FMN1: variants seen among roughly 807,000 people sequenced by gnomAD.
The protein encoded by FMN1 is formin-1.
A neutral mutation model predicts 132.4 loss-of-function variants in FMN1; 110 were observed. The ratio of observed to expected loss-of-function variants is 0.83; its 90% confidence interval spans 0.71 to 0.97. FMN1 has a LOEUF of 0.97. Ranked by LOEUF, FMN1 falls within the 50% of genes least tolerant of loss-of-function variation. The probability of loss-of-function intolerance (pLI) is 0.00; values close to 1 mark genes in which losing one functional copy is unlikely to be tolerated. For missense variants in FMN1, 1,792 were observed against 1,705.3 expected (o/e 1.05, Z -0.90); for synonymous variants, 722 against 651.7 (o/e 1.11, Z -1.64).
Position 33,185,325 on chromosome 15 carries a change from G to A in FMN1, c.-196-5063C>T, listed in dbSNP as rs1481212065. The stretch of plus-strand genomic sequence containing the variant: ...GGGAGAAAAGTTGGTAGTCCTATTG[G>A]TTCCTTAAAATAATTCAAGGAATCT... On this transcript the variant is annotated intron_variant, in intron 2 of 20. Transcript: ENST00000616417. Among the ~76,000 whole-genome samples, 3 of 152,006 alleles carry A rather than the reference G, an allele frequency of 2.0e-5. No individual in the cohort carries two copies. In the East Asian group the frequency reaches 5.8e-4, roughly 29 times the overall value.
In FMN1 at chr15:33,154,545, CG is replaced by C; in HGVS notation, c.369del (p.Val124Ter). The C allele has an allele frequency of 6.5e-7, 1 of 1,536,106 alleles. No homozygotes were observed. The highest frequency in any genetic ancestry group is 8.7e-7 in the Non-Finnish European group (1 of 1,146,908). On this transcript the variant is annotated frameshift_variant, in exon 4 of 21. Transcript: ENST00000616417. LOFTEE classifies it high-confidence loss of function. ...GNQEGKLQEL[S>X]VSLAPEDDCF... ...CAGTCATCCTCGGGGGCCAGGCTCA[CG>C]GACAGCTCTTGCAGCTTCCCCTCCT...
intron 9 of FMN1, among the ~76,000 whole-genome samples, chr15:32,938,597 A>T (rs2061332643): frequency 6.6e-6 from 1 of 152,228 alleles, no homozygotes; most frequent in South Asian, 2.1e-4. Flanking sequence ...AGAGATCCTT[A>T]GTCATGCAAG....
intron 19 of FMN1, among the ~76,000 whole-genome samples, chr15:32,787,321 G>A (rs1239108622): frequency 6.6e-6 from 1 of 152,218 alleles, no homozygotes; most frequent in Non-Finnish European, 1.5e-5. Flanking sequence ...GTAACCCCAA[G>A]TTCATTTATC....
At chr15:33,027,482 A>C (rs1410110760) in intron 6 of FMN1, among the ~76,000 whole-genome samples, 1 of 152,226 alleles carries the variant, frequency 6.6e-6, no homozygotes, top group Non-Finnish European at 1.5e-5. Context: ...GAATTTAAAG[A>C]AATTGGGGAC....
At chr15:32,897,818 G>T (rs1186233305) in intron 15 of FMN1, among the ~76,000 whole-genome samples, 1 of 152,070 alleles carries the variant, frequency 6.6e-6, no homozygotes, top group Non-Finnish European at 1.5e-5. Flanking sequence ...GGGTAAGCTG[G>T]GGTCGGCAGG....
chr15:33,042,490 C>T (rs924558378), intron 6 of FMN1, among the ~76,000 whole-genome samples: 5 of 152,088 alleles, frequency 3.3e-5, no homozygotes, highest in African/African-American at 1.2e-4. Context: ...ATTTAAATAA[C>T]TTTAAAACTA....
chr15:32,968,987 G>C lies in FMN1; in HGVS notation c.2714C>G (p.Pro905Arg). 9.5e-7 allele frequency: 1 copy of C among 1,048,094 alleles called. No homozygotes were observed. Among genetic ancestry groups the C allele is most frequent in the Middle Eastern group, 2.4e-4 (1 of 4,196 alleles). 64.9% of individuals were successfully genotyped at this position (1,048,094 alleles called of 1,614,324 possible). ...PPVSAGPPLP[P>R]PPPPPPPLPP... ...TAGAGGTGGCGGTGGAGGAGGCGGA[G>C]GTGGTAGCGGTGGCCCAGCACTCAC... The change falls in exon 8 of 21, where the codon CCT (proline) becomes CGT (arginine). Residue 905 changes from proline (P) to arginine (R), a missense_variant. Transcript: ENST00000616417.
At chr15:33,172,647 GT>G (rs779958449) in intron 3 of FMN1, among the ~76,000 whole-genome samples, 7 of 152,140 alleles carry the variant, frequency 4.6e-5, no homozygotes, top group Non-Finnish European at 8.8e-5. Context: ...GCCTCATAAG[GT>G]TGTTACCTTC....
intron 7 of FMN1, among the ~76,000 whole-genome samples, chr15:32,991,698 T>G (rs557812039): frequency 4.6e-5 from 7 of 152,252 alleles, no homozygotes; most frequent in African/African-American, 1.7e-4. Context: ...TGTGAAAATT[T>G]TATGGTCCTT....
intron 6 of FMN1, among the ~76,000 whole-genome samples, chr15:33,027,016 T>C (rs944149205): frequency 1.3e-5 from 2 of 152,140 alleles, no homozygotes; most frequent in Non-Finnish European, 2.9e-5. Flanking sequence ...GGGGGTGCTG[T>C]TTTTAAATCT....
chr15:33,018,384 G>A (rs1415566585), intron 6 of FMN1, among the ~76,000 whole-genome samples: 2 of 152,108 alleles, frequency 1.3e-5, no homozygotes, highest in East Asian at 3.9e-4. Flanking sequence ...GGGACTTTCA[G>A]TTCCACCTCC....
At chr15:33,017,571 AAAAT>A (rs567099727) in intron 6 of FMN1, among the ~76,000 whole-genome samples, 14 of 152,246 alleles carry the variant, frequency 9.2e-5, no homozygotes, top group Non-Finnish European at 1.8e-4. Context: ...CTATATCAGA[AAAAT>A]AAAATATTGG....
intron 6 of FMN1, among the ~76,000 whole-genome samples, chr15:33,013,759 T>C (rs929070139): frequency 6.6e-6 from 1 of 152,196 alleles, no homozygotes; most frequent in Non-Finnish European, 1.5e-5. Flanking sequence ...TCATGATAAA[T>C]ATCCAAACCC....
intron 5 of FMN1, among the ~76,000 whole-genome samples, chr15:33,071,248 G>GA (rs1184863388): frequency 6.6e-6 from 1 of 152,050 alleles, no homozygotes; most frequent in Non-Finnish European, 1.5e-5. Context: ...GTTTTCTTAG[G>GA]AAAAAATGGA....
chr15:33,148,263 T>A (rs1251903431), intron 4 of FMN1, among the ~76,000 whole-genome samples: 2 of 152,188 alleles, frequency 1.3e-5, no homozygotes, highest in Admixed American at 1.3e-4. Flanking sequence ...CTACTTCCAC[T>A]TCCTTATCAC....
intron 17 of FMN1, among the ~76,000 whole-genome samples, chr15:32,817,321 T>G (rs544899734): frequency 2.6e-4 from 40 of 152,354 alleles, no homozygotes; most frequent in Non-Finnish European, 4.4e-4. Context: ...AAACTGAATT[T>G]ACATGGCCAC....
intron 6 of FMN1, among the ~76,000 whole-genome samples, chr15:33,059,050 T>G (rs1034366322): frequency 1.1e-4 from 16 of 152,318 alleles, no homozygotes; most frequent in African/African-American, 3.8e-4. Context: ...TCCCTCCGTC[T>G]CACATCCCCA....
chr15:33,138,009 T>C (rs1963846568), intron 4 of FMN1, among the ~76,000 whole-genome samples: 1 of 152,228 alleles, frequency 6.6e-6, no homozygotes, highest in South Asian at 2.1e-4. Context: ...AACTATTGTG[T>C]AGATTATGGT....
At chr15:33,039,959 T>TA (rs1460264985) in intron 6 of FMN1, among the ~76,000 whole-genome samples, 1 of 152,128 alleles carries the variant, frequency 6.6e-6, no homozygotes, top group African/African-American at 2.4e-5. Context: ...AGAGGAGTCT[T>TA]ACAGTGTTAT....
Sources: allele counts gnomAD v4.1 joint callset (sites outside exome capture counted in the v4.1 genomes callset), GRCh38; gene constraint gnomAD v4.1.1; transcripts MANE v1.5; gene names NCBI Gene and HGNC (gene_info 2026-07-23, HGNC 2026-07-21).